Variants in L3MBTL2 observed in about 807,000 individuals in gnomAD.
L3MBTL2 encodes the protein L3MBTL histone methyl-lysine binding protein 2, also known as lethal(3)malignant brain tumor-like protein 2.
A neutral mutation model predicts 86.4 loss-of-function variants in L3MBTL2; 49 were observed. The ratio of observed to expected loss-of-function variants is 0.57; its 90% CI spans 0.45 to 0.72. The LOEUF (loss-of-function observed/expected upper bound fraction) is 0.72, where lower values mean the gene tolerates loss of function less well. L3MBTL2 is among the 30% of genes least tolerant of loss of function. The pLI, the probability that L3MBTL2 is intolerant of heterozygous loss-of-function variation, is 0.00. For missense variants in L3MBTL2, 755 were observed against 923.7 expected, an observed-to-expected ratio of 0.82 and a Z score of 2.37; for synonymous variants, 336 against 350.6, an observed-to-expected ratio of 0.96 and a Z score of 0.47.
Position 41,227,388 on chromosome 22 carries a change from C to T in L3MBTL2, c.1822+65C>T, listed in dbSNP as rs1055665825. 23 of 1,441,420 alleles carry T rather than the reference C, an allele frequency of 1.6e-5. No homozygotes were observed. In the African/African-American group the frequency reaches 2.4e-4, roughly 15 times the overall value. The allele number at this position is 1,441,420 out of a possible 1,614,324, so 89.3% of individuals were successfully genotyped here. On this transcript the variant is annotated intron_variant, in intron 14 of 16. Coordinates refer to ENST00000216237, the MANE Select transcript of L3MBTL2 (RefSeq NM_031488.5). The surrounding 1 kb of genome is among the most constrained non-coding windows in gnomAD (Gnocchi z 6.0). ...TCCTCTTCTTTTTTCCTTCTTCCCC[C>T]GCCCCTGTGCCCATCTCCGTTCTTT...
Position 41,221,403 on chromosome 22 carries a change from G to C in L3MBTL2, c.942+116G>C, listed in dbSNP as rs891792000. The stretch of plus-strand genomic sequence containing the variant: ...ACCCCTTGCCTGATGATCTTCAGCA[G>C]CTCCACATTTTGCAAGGCTAGAGAC... On this transcript the variant is annotated intron_variant, in intron 8 of 16. Coordinates refer to ENST00000216237, the MANE Select transcript of L3MBTL2 (RefSeq NM_031488.5). 22 of 869,302 alleles carry C rather than the reference G, an allele frequency of 2.5e-5. No individual in the cohort carries two copies. The East Asian group carries it at 5.1e-4, about 20-fold the overall frequency. The allele number at this position is 869,302 out of a possible 1,614,324, so 53.8% of individuals were successfully genotyped here. A position where few individuals can be genotyped will look rare whatever the true frequency, so the allele number is the denominator to read the frequency against.
intron 6 of L3MBTL2, among the ~76,000 whole-genome samples, 172 bp from the exon 7 acceptor site, chr22:41,220,562 C>T (rs566066889): frequency 4.0e-5 from 6 of 151,638 alleles, no homozygotes; most frequent in South Asian, 2.1e-4. Flanking sequence ...TGGTGGCAGG[C>T]GCCTGTAGTT....
At chr22:41,214,856 C>CA (rs2031209417) in intron 3 of L3MBTL2, among the ~76,000 whole-genome samples, 1 of 152,136 alleles carries the variant, frequency 6.6e-6, no homozygotes, top group Non-Finnish European at 1.5e-5. Context: ...ACTAAAAATA[C>CA]AAAAATTAGC....
chr22:41,220,668 A>C (rs1601520806), intron 6 of L3MBTL2, 66 bp from the exon 7 acceptor site: 1 of 1,510,860 alleles, frequency 6.6e-7, no homozygotes, highest in East Asian at 2.3e-5. Context: ...AGAAAAAAAA[A>C]AAAAAAACAG....
At chr22:41,223,540 G>A (rs1245144521) in intron 8 of L3MBTL2, among the ~76,000 whole-genome samples, 2 of 143,584 alleles carry the variant, frequency 1.4e-5, no homozygotes, top group Admixed American at 1.4e-4. Flanking sequence ...CATGAGTCTT[G>A]TATGTGCCAC....
Position 41,219,544 on chromosome 22 carries a change from T to A in L3MBTL2, c.718+8T>A. ...CTGTCATCCAGACAGCAGGTGAGTG[T>A]TTGGCCAGGGCAGGGCCAGGGATGT... is the stretch of plus-strand genomic sequence containing the variant. On this transcript the variant is annotated splice_region_variant and intron_variant, in intron 6 of 16. Coordinates refer to ENST00000216237, the MANE Select transcript of L3MBTL2 (RefSeq NM_031488.5). 6.3e-7 allele frequency: 1 copy of A among 1,589,050 alleles called. No individual in the cohort carries two copies. Among genetic ancestry groups the A allele is most frequent in the Non-Finnish European group, 8.6e-7 (1 of 1,157,586 alleles).
intron 4 of L3MBTL2, 170 bp from the exon 5 acceptor site, chr22:41,216,953 C>G (rs1002579677): frequency 6.8e-6 from 4 of 586,552 alleles, no homozygotes. Context: ...CTCATGGCCA[C>G]TGGTGGATCA....
intron 5 of L3MBTL2, 44 bp from the exon 6 acceptor site, chr22:41,219,375 G>A (rs896617038): frequency 4.1e-6 from 6 of 1,453,370 alleles, no homozygotes; most frequent in Non-Finnish European, 5.8e-6. Context: ...TCCCCTGCTA[G>A]CACAGTTAGC....
chr22:41,217,371 C>T, intron 5 of L3MBTL2, 169 bp downstream of exon 5: 2 of 599,690 alleles, frequency 3.3e-6, no homozygotes, highest in East Asian at 2.8e-5. Flanking sequence ...CAAAAAAATC[C>T]TCCTACAAAC....
chr22:41,223,916 T>C (rs935003938), intron 8 of L3MBTL2, 104 bp from the exon 9 acceptor site: 2 of 880,084 alleles, frequency 2.3e-6, no homozygotes, highest in African/African-American at 3.3e-5. Context: ...TGACTGAGTG[T>C]GGGGGATAAC....
intron 3 of L3MBTL2, among the ~76,000 whole-genome samples, chr22:41,215,361 T>G (rs12163322): frequency 0.074 from 11,342 of 152,242 alleles, 1,325 homozygotes; most frequent in East Asian, 0.32. Flanking sequence ...TTAAAAAATT[T>G]GATTTTTAAA....
At chr22:41,206,895 T>G (rs1225729144) in intron 1 of L3MBTL2, among the ~76,000 whole-genome samples, 1 of 152,024 alleles carries the variant, frequency 6.6e-6, no homozygotes, top group Non-Finnish European at 1.5e-5. Flanking sequence ...TCTGCAAGGG[T>G]AAACGAGAAT....
At chr22:41,216,510 T>G (rs2031373253) in intron 4 of L3MBTL2, among the ~76,000 whole-genome samples, 1 of 152,198 alleles carries the variant, frequency 6.6e-6, no homozygotes, top group African/African-American at 2.4e-5. Flanking sequence ...AAGAATTGGC[T>G]GTTTTTGTTT....
chr22:41,210,507 T>C (rs62238731), intron 2 of L3MBTL2, among the ~76,000 whole-genome samples: 2,919 of 152,284 alleles, frequency 0.019, 42 homozygotes, highest in Non-Finnish European at 0.031. Context: ...TTTTTTGTAT[T>C]TTTAGGAGAG....
chr22:41,224,336 GT>G lies in L3MBTL2; in HGVS notation c.1174+86del. The G allele has an allele frequency of 1.8e-6, 2 of 1,084,762 alleles. No individual in the cohort carries two copies. The highest frequency in any genetic ancestry group is 2.7e-6 in the Non-Finnish European group (2 of 742,452). 67.2% of individuals were successfully genotyped at this position (1,084,762 alleles called of 1,614,324 possible). On this transcript the variant is annotated intron_variant, in intron 9 of 16. Coordinates refer to ENST00000216237, the MANE Select transcript of L3MBTL2 (RefSeq NM_031488.5). The surrounding 1 kb of genome is among the most constrained non-coding windows in gnomAD (Gnocchi z 4.9). ...AGCACCTTCCTACTCGTCACAGCAGGTCAGCAGGTGGAGGTTGGCATGGCCC... is the reference window on the plus strand; with the variant it reads ...AGCACCTTCCTACTCGTCACAGCAGGCAGCAGGTGGAGGTTGGCATGGCCC...
In L3MBTL2 at chr22:41,219,410, G is replaced by A. The variant is rs770770055; in HGVS notation, c.601-9G>A. 7.4e-5 allele frequency: 118 copies of A among 1,597,650 alleles called. No homozygotes were observed. Among genetic ancestry groups the A allele is most frequent in the Non-Finnish European group, 9.5e-5 (111 of 1,165,422 alleles). On this transcript the variant is annotated splice_polypyrimidine_tract_variant and intron_variant, in intron 5 of 16. Coordinates refer to ENST00000216237, the MANE Select transcript of L3MBTL2 (RefSeq NM_031488.5). ...CTCACTCTCTCGGTACACTCTCATC[G>A]CCACACAGGTCCCACTCTATGACCA...
At chr22:41,220,559 A>G (rs917949614) in intron 6 of L3MBTL2, among the ~76,000 whole-genome samples, 175 bp from the exon 7 acceptor site, 7 of 151,334 alleles carry the variant, frequency 4.6e-5, no homozygotes, top group Non-Finnish European at 7.4e-5. Context: ...GCGTGGTGGC[A>G]GGCGCCTGTA....
intron 16 of L3MBTL2, 60 bp from the exon 17 acceptor site, chr22:41,230,079 G>GT: frequency 3.8e-6 from 2 of 532,754 alleles, no homozygotes; most frequent in South Asian, 3.4e-5. Context: ...CAGCTCCTCC[G>GT]CCCCCACCCC....
chr22:41,230,004 G>C lies in L3MBTL2; in HGVS notation c.2006-135G>C, dbSNP rs2032474200. 6.9e-6 allele frequency: 5 copies of C among 723,296 alleles called. No individual in the cohort carries two copies. In the South Asian group the frequency reaches 9.0e-5, roughly 13 times the overall value. The allele number at this position is 723,296 out of a possible 1,614,324, so 44.8% of individuals were successfully genotyped here. On this transcript the variant is annotated intron_variant, in intron 16 of 16. Transcript: ENST00000216237. Reference sequence around the variant, plus strand: ...CTTTGCTGCTGCCACTGCCCTCCCAGAAGGGAAGCTGGAGGGTGAAGGTGC... The same window carrying C: ...CTTTGCTGCTGCCACTGCCCTCCCACAAGGGAAGCTGGAGGGTGAAGGTGC...
Sources: gnomAD v4.1 joint callset for allele counts (sites outside exome capture counted in the v4.1 genomes callset) on GRCh38, gnomAD v4.1.1 for gene constraint, Gnocchi (gnomAD v3.1) non-coding constraint, MANE v1.5 for transcripts, NCBI Gene and HGNC (gene_info 2026-07-23, HGNC 2026-07-21) for gene names.